Variants in NBAS observed in about 807,000 individuals in gnomAD.
NBAS encodes the protein NBAS subunit of NRZ tethering complex.
In NBAS, 219 loss-of-function variants were observed where a neutral mutation model predicts 302.5. That is an observed-to-expected ratio of 0.72 (90% CI 0.65 to 0.81). NBAS has a LOEUF of 0.81. NBAS is among the 30% of genes least tolerant of loss of function. The pLI is 0.00. For synonymous variants in NBAS, 1,118 were observed against 1,021.6 expected, an observed-to-expected ratio of 1.09 and a Z score of -1.80; for missense variants, 2,932 against 2,841.6, an observed-to-expected ratio of 1.03 and a Z score of -0.72.
chr2:15,052,522 A>G, the NBAS span, among the ~76,000 whole-genome samples: 1 of 152,076 alleles, frequency 6.6e-6, no homozygotes, highest in Non-Finnish European at 1.5e-5. Context: ...TCCCCACCCT[A>G]TAAAAGAAAG....
At chr2:15,227,430 T>C (rs914457614) in intron 47 of NBAS, among the ~76,000 whole-genome samples, 1 of 151,960 alleles carries the variant, frequency 6.6e-6, no homozygotes, top group Non-Finnish European at 1.5e-5. Context: ...ATACCCAAAG[T>C]GATTTACAGA....
intron 9 of NBAS, among the ~76,000 whole-genome samples, chr2:15,528,878 A>AAAAATATAT (rs555894886): frequency 1.6e-5 from 2 of 121,546 alleles, no homozygotes; most frequent in South Asian, 4.9e-4. Context: ...AAAAAAAAAA[A>AAAAATATAT]ATATATATAT....
At chr2:15,014,339 A>G in the NBAS span, among the ~76,000 whole-genome samples, 1 of 152,206 alleles carries the variant, frequency 6.6e-6, no homozygotes, top group African/African-American at 2.4e-5. Context: ...GCTGCATAAT[A>G]TACATTCTTT....
At chr2:14,824,191 G>A in the NBAS span, among the ~76,000 whole-genome samples, 1 of 152,154 alleles carries the variant, frequency 6.6e-6, no homozygotes, top group Non-Finnish European at 1.5e-5. Flanking sequence ...TAAATAAGAG[G>A]TAGAACTAGA....
At chr2:15,022,382 C>T in the NBAS span, among the ~76,000 whole-genome samples, 1 of 152,144 alleles carries the variant, frequency 6.6e-6, no homozygotes, top group African/African-American at 2.4e-5. Context: ...AATCTCACTA[C>T]CCAAAATGTG....
At chr2:14,784,887 T>C in the NBAS span, among the ~76,000 whole-genome samples, 9 of 152,196 alleles carry the variant, frequency 5.9e-5, no homozygotes, top group South Asian at 1.2e-3. Flanking sequence ...GGGATGGCAT[T>C]GAATCTATAA....
chr2:15,102,547 G>A, the NBAS span, among the ~76,000 whole-genome samples: 1 of 152,158 alleles, frequency 6.6e-6, no homozygotes, highest in African/African-American at 2.4e-5. Context: ...CCAATAATGA[G>A]CTCCTAAAGG....
intron 31 of NBAS, among the ~76,000 whole-genome samples, chr2:15,372,029 C>T (rs908386756): frequency 1.3e-5 from 2 of 151,988 alleles, no homozygotes; most frequent in Admixed American, 1.3e-4. Flanking sequence ...TTATTAGTAC[C>T]CCCATTTGGT....
chr2:15,399,259 C>A (rs1166144141), intron 26 of NBAS, among the ~76,000 whole-genome samples: 3 of 151,882 alleles, frequency 2.0e-5, no homozygotes, highest in Non-Finnish European at 4.4e-5. Context: ...ATGAAGCTGA[C>A]AGAGGAATCA....
In NBAS at chr2:15,218,702, A is replaced by G; in HGVS notation, c.6432+71T>C. 5.0e-6 allele frequency: 8 copies of G among 1,597,632 alleles called. No individual in the cohort carries two copies. The South Asian group carries it at 8.9e-5, about 18-fold the overall frequency. On this transcript the variant is annotated intron_variant, in intron 48 of 51. Transcript: ENST00000281513. ...CTTGGCCTCCCACAATGCTGGGATT[A>G]CAGGCGTGAGCAACCGCGTCCGGCC...
the NBAS span, among the ~76,000 whole-genome samples, chr2:14,994,206 C>T: frequency 6.6e-6 from 1 of 152,270 alleles, no homozygotes; most frequent in Admixed American, 6.5e-5. Context: ...TTTAACAGAA[C>T]TGAATTGCCT....
intron 9 of NBAS, among the ~76,000 whole-genome samples, chr2:15,516,560 T>C (rs970466044): frequency 2.0e-5 from 3 of 151,842 alleles, no homozygotes; most frequent in Admixed American, 6.6e-5. Context: ...CCGTCTCTAC[T>C]AAAATACAAA....
the NBAS span, among the ~76,000 whole-genome samples, chr2:14,821,116 C>T: frequency 2.0e-5 from 3 of 151,960 alleles, no homozygotes; most frequent in South Asian, 4.2e-4. Context: ...TTAGTAGAGA[C>T]GGGGTTTCAC....
intron 10 of NBAS, among the ~76,000 whole-genome samples, chr2:15,509,920 G>A (rs1216585451): frequency 6.6e-6 from 1 of 152,108 alleles, no homozygotes; most frequent in African/African-American, 2.4e-5. Context: ...CACAATCTCG[G>A]CTCACTGCAA....
chr2:15,435,487 C>G (rs186918400), intron 21 of NBAS, among the ~76,000 whole-genome samples: 2 of 152,252 alleles, frequency 1.3e-5, no homozygotes, highest in East Asian at 1.9e-4. Context: ...TTCGGCAGCC[C>G]TGAGAGATAG....
the NBAS span, among the ~76,000 whole-genome samples, chr2:15,111,244 T>C: frequency 2.0e-5 from 3 of 152,096 alleles, no homozygotes; most frequent in African/African-American, 4.8e-5. Flanking sequence ...GGTGTGTCTT[T>C]TAATCTCTCC....
At chr2:14,939,606 T>G in the NBAS span, among the ~76,000 whole-genome samples, 2 of 152,196 alleles carry the variant, frequency 1.3e-5, no homozygotes, top group Non-Finnish European at 1.5e-5. Flanking sequence ...CCTTCTGACT[T>G]CTCTGCATTC....
chr2:15,045,815 T>A, the NBAS span, among the ~76,000 whole-genome samples: 2 of 152,230 alleles, frequency 1.3e-5, no homozygotes, highest in Non-Finnish European at 2.9e-5. Flanking sequence ...TATACTAATT[T>A]GCATTCCCAC....
At chr2:15,099,693 G>A in the NBAS span, among the ~76,000 whole-genome samples, 1 of 151,902 alleles carries the variant, frequency 6.6e-6, no homozygotes, top group African/African-American at 2.4e-5. Context: ...ATCCTGTTGG[G>A]AAAGCAATAG....
Sources: allele counts gnomAD v4.1 joint callset (sites outside exome capture counted in the v4.1 genomes callset), GRCh38; gene constraint gnomAD v4.1.1; transcripts MANE v1.5; gene names NCBI Gene and HGNC (gene_info 2026-07-23, HGNC 2026-07-21).